Variants in TAOK3 observed in about 807,000 individuals in gnomAD.
The protein encoded by TAOK3 is TAO kinase 3.
Under a neutral mutation model 120.4 loss-of-function variants are expected in TAOK3, and 40 were observed. That is an observed-to-expected ratio of 0.33 (90% confidence interval 0.26 to 0.43). TAOK3 has a LOEUF of 0.43. TAOK3 is among the 20% of genes least tolerant of loss of function. The pLI is 1.00. For missense variants in TAOK3, 821 were observed against 1,112.1 expected, an observed-to-expected ratio of 0.74 and a Z score of 3.72; for synonymous variants, 355 against 387.5, an observed-to-expected ratio of 0.92 and a Z score of 0.99.
At chr12:118,206,521 T>TA (rs2038321373) in intron 11 of TAOK3, among the ~76,000 whole-genome samples, 1 of 152,190 alleles carries the variant, frequency 6.6e-6, no homozygotes, top group African/African-American at 2.4e-5. Context: ...AACCCGTGCA[T>TA]ACCTTTCACA....
intron 17 of TAOK3, among the ~76,000 whole-genome samples, chr12:118,169,324 C>CA (rs1217982237): frequency 9.1e-6 from 1 of 109,502 alleles, no homozygotes; most frequent in Non-Finnish European, 1.8e-5. Flanking sequence ...CCACCCCCCC[C>CA]CCTTTTTTTT....
At chr12:118,214,586 T>C (rs1215096454) in intron 9 of TAOK3, among the ~76,000 whole-genome samples, 3 of 151,402 alleles carry the variant, frequency 2.0e-5, no homozygotes, top group African/African-American at 7.3e-5. Context: ...AACTTTTTTT[T>C]TTTTTTTTGT....
At chr12:118,239,160 G>A in intron 6 of TAOK3, 67 bp downstream of exon 6, 2 of 1,035,420 alleles carry the variant, frequency 1.9e-6, no homozygotes, top group Non-Finnish European at 1.5e-6. Flanking sequence ...CTACACTTTA[G>A]TATGGCGGTA....
chr12:118,177,135 T>A, intron 16 of TAOK3, 66 bp downstream of exon 16: 2 of 1,498,634 alleles, frequency 1.3e-6, no homozygotes, highest in Non-Finnish European at 9.2e-7. Flanking sequence ...CAATGCAAGA[T>A]GAGTGAATGT....
At chr12:118,201,079 T>C (rs1210961804) in intron 12 of TAOK3, 2 of 401,454 alleles carry the variant, frequency 5.0e-6, no homozygotes, top group Non-Finnish European at 8.9e-6. Context: ...CTCCCCATGA[T>C]GGACCCCTGC....
chr12:118,180,912 T>C (rs1420087775), intron 15 of TAOK3, among the ~76,000 whole-genome samples: 1 of 152,030 alleles, frequency 6.6e-6, no homozygotes, highest in African/African-American at 2.4e-5. Context: ...TGGCATGATC[T>C]TGGCTCACTG....
At chr12:118,217,783 ATATG>A (rs1254313080) in intron 9 of TAOK3, among the ~76,000 whole-genome samples, 29 of 110,480 alleles carry the variant, frequency 2.6e-4, no homozygotes, top group South Asian at 1.8e-3. Flanking sequence ...GTATATATGT[ATATG>A]TATGTATGTA....
intron 1 of TAOK3, among the ~76,000 whole-genome samples, chr12:118,345,397 A>C (rs1394003439): frequency 6.6e-6 from 1 of 152,204 alleles, no homozygotes; most frequent in Non-Finnish European, 1.5e-5. Flanking sequence ...AGAAGTTTGA[A>C]TGCAAAACGA....
At chr12:118,337,952 G>A (rs1384350110) in intron 1 of TAOK3, among the ~76,000 whole-genome samples, 21 of 152,142 alleles carry the variant, frequency 1.4e-4, no homozygotes, top group Non-Finnish European at 4.4e-5. Context: ...TATTCTGGCT[G>A]TGATACCATC....
intron 1 of TAOK3, among the ~76,000 whole-genome samples, chr12:118,279,997 C>A (rs1444132167): frequency 6.6e-6 from 1 of 151,280 alleles, no homozygotes; most frequent in African/African-American, 2.4e-5. Context: ...GAACTCCTGA[C>A]TTCGTGATCC....
chr12:118,235,388 A>C (rs1392788164), intron 8 of TAOK3, among the ~76,000 whole-genome samples, 170 bp downstream of exon 8: 3 of 152,210 alleles, frequency 2.0e-5, no homozygotes, highest in African/African-American at 4.8e-5. Context: ...ATTTTATACA[A>C]AGCCAGAGTG....
chr12:118,294,373 T>G (rs1020673179), intron 1 of TAOK3, among the ~76,000 whole-genome samples: 2 of 151,044 alleles, frequency 1.3e-5, no homozygotes, highest in African/African-American at 4.9e-5. Context: ...TTTCCAGAAT[T>G]TCTTTTCTTT....
chr12:118,241,833 G>A (rs1037469197), intron 5 of TAOK3, among the ~76,000 whole-genome samples: 4 of 152,106 alleles, frequency 2.6e-5, no homozygotes, highest in East Asian at 3.8e-4. Context: ...ACAGGTGGCC[G>A]GGTGCAGTGG....
intron 14 of TAOK3, among the ~76,000 whole-genome samples, chr12:118,186,741 CA>C (rs2037100766): frequency 6.6e-6 from 1 of 152,136 alleles, no homozygotes; most frequent in Non-Finnish European, 1.5e-5. Context: ...AAAAATTATA[CA>C]ATTGTAATAA....
chr12:118,268,347 A>C (rs2140290271), intron 1 of TAOK3, among the ~76,000 whole-genome samples: 1 of 152,336 alleles, frequency 6.6e-6, no homozygotes, highest in Non-Finnish European at 1.5e-5. Context: ...TATTGGAATA[A>C]TTTTTAGATG....
intron 1 of TAOK3, among the ~76,000 whole-genome samples, chr12:118,360,567 C>CAAAAAAA (rs34592832): frequency 1.2e-5 from 1 of 86,336 alleles, no homozygotes; most frequent in Non-Finnish European, 2.2e-5. Context: ...GACTCCGTCT[C>CAAAAAAA]AAAAAAAAAA....
intron 11 of TAOK3, among the ~76,000 whole-genome samples, chr12:118,211,147 A>G (rs2038610665): frequency 6.6e-6 from 1 of 152,230 alleles, no homozygotes. Context: ...CACCCAGCAG[A>G]CAATCAGTAA....
intron 1 of TAOK3, among the ~76,000 whole-genome samples, chr12:118,308,884 C>G (rs1475742635): frequency 7.4e-6 from 1 of 134,836 alleles, no homozygotes; most frequent in South Asian, 2.3e-4. Flanking sequence ...GACCTGAGAT[C>G]GCACCACTGC....
chr12:118,245,438 T>A (rs1490988271), intron 3 of TAOK3, among the ~76,000 whole-genome samples: 1 of 152,026 alleles, frequency 6.6e-6, no homozygotes, highest in Admixed American at 6.6e-5. Flanking sequence ...TGCTTCAGCC[T>A]CTCAAGTAAC....
Sources: gnomAD v4.1 joint callset for allele counts (sites outside exome capture counted in the v4.1 genomes callset) on GRCh38, gnomAD v4.1.1 for gene constraint, MANE v1.5 for transcripts, NCBI Gene and HGNC (gene_info 2026-07-23, HGNC 2026-07-21) for gene names.